AOPEP: variants seen among roughly 807,000 people sequenced by gnomAD.
The protein encoded by AOPEP is aminopeptidase O.
A neutral mutation model predicts 98.1 loss-of-function variants in AOPEP; 77 were observed. That is an observed-to-expected ratio of 0.78 (90% CI 0.65 to 0.95). The LOEUF (loss-of-function observed/expected upper bound fraction) is 0.95. Among genes scored for constraint, AOPEP ranks in the 40% least tolerant of loss-of-function variants. The pLI is 0.00. For synonymous variants in AOPEP, 346 were observed against 365.3 expected, an observed-to-expected ratio of 0.95 and a Z score of 0.60; for missense variants, 1,024 against 1,024.7, an observed-to-expected ratio of 1.00 and a Z score of 0.01.
At chr9:95,137,105 G>A in the AOPEP span, among the ~76,000 whole-genome samples, 1 of 152,300 alleles carries the variant, frequency 6.6e-6, no homozygotes, top group East Asian at 1.9e-4. Flanking sequence ...AAGTGGGGGC[G>A]TAAGCCTCCC....
intron 4 of AOPEP, among the ~76,000 whole-genome samples, chr9:94,794,245 C>A (rs951460633): frequency 6.6e-6 from 1 of 152,164 alleles, no homozygotes; most frequent in Non-Finnish European, 1.5e-5. Context: ...AGAAGGGGGA[C>A]GCTGAGAAGG....
At chr9:95,111,008 T>C in the AOPEP span, 2 of 1,435,144 alleles carry the variant, frequency 1.4e-6, no homozygotes, top group Non-Finnish European at 1.8e-6. Context: ...TGAGGATCTG[T>C]TGACTGATCC....
At chr9:94,903,091 C>T (rs547963834) in intron 5 of AOPEP, among the ~76,000 whole-genome samples, 3 of 151,576 alleles carry the variant, frequency 2.0e-5, no homozygotes, top group East Asian at 4.0e-4. Context: ...AGCACTTCTC[C>T]TGCCTCAGCC....
At chr9:95,066,596 T>C (rs2067917107) in intron 14 of AOPEP, among the ~76,000 whole-genome samples, 1 of 152,108 alleles carries the variant, frequency 6.6e-6, no homozygotes, top group African/African-American at 2.4e-5. Context: ...GGTTGCAGAG[T>C]GTCCCTGCCG....
At chr9:95,126,418 ACT>A in the AOPEP span, 3 of 1,062,706 alleles carry the variant, frequency 2.8e-6, no homozygotes, top group Non-Finnish European at 4.3e-6. Context: ...GGAATCAGAA[ACT>A]CTAATTTCCC....
intron 3 of AOPEP, among the ~76,000 whole-genome samples, chr9:94,777,441 AAAAAG>A (rs1842370800): frequency 6.6e-6 from 1 of 151,708 alleles, no homozygotes; most frequent in Non-Finnish European, 1.5e-5. Context: ...CAAAAAAAAA[AAAAAG>A]AAAACTAATG....
chr9:95,022,292 G>A (rs2063510981), intron 13 of AOPEP: 1 of 152,152 alleles, frequency 6.6e-6, no homozygotes, highest in Non-Finnish European at 1.5e-5. Flanking sequence ...GGTATTCTTA[G>A]TGGGGTTTTT....
At chr9:94,845,518 C>T (rs12345098) in intron 5 of AOPEP, among the ~76,000 whole-genome samples, 13,494 of 151,840 alleles carry the variant, frequency 0.089, 716 homozygotes, top group African/African-American at 0.13. Context: ...TTTGGGGGAA[C>T]GGGACAGGAA....
intron 1 of AOPEP, among the ~76,000 whole-genome samples, chr9:94,738,397 T>C (rs1832253803): frequency 6.6e-6 from 1 of 152,132 alleles, no homozygotes; most frequent in Non-Finnish European, 1.5e-5. Flanking sequence ...GTCCCTGCCT[T>C]GTTCCTGGCC....
chr9:94,982,565 C>T (rs79562022), intron 11 of AOPEP, among the ~76,000 whole-genome samples: 5,273 of 134,326 alleles, frequency 0.039, 374 homozygotes, highest in African/African-American at 0.14. Flanking sequence ...AAGAGCAATA[C>T]TTTTTTTTTT....
chr9:94,806,596 T>G (rs1362678201), intron 5 of AOPEP, among the ~76,000 whole-genome samples: 1 of 152,238 alleles, frequency 6.6e-6, no homozygotes, highest in Admixed American at 6.5e-5. Context: ...TTTCTCCATT[T>G]TCTCTTTTAT....
rs537033353 is a variant in AOPEP at position 94,931,531 on chromosome 9, T to C, written c.1661+3000T>C. Among the ~76,000 whole-genome samples the C allele has an allele frequency of 7.2e-5, 11 of 152,320 alleles. No homozygotes were observed. The South Asian group carries it at 2.1e-3, about 29-fold the overall frequency. ...ATGGACACAGAGAACCTGGAAGTTA[T>C]TGAAAGTAAAAGGAAGAACCAGACT... On this transcript the variant is annotated intron_variant, in intron 7 of 16. Transcript: ENST00000375315.
intron 5 of AOPEP, among the ~76,000 whole-genome samples, chr9:94,858,473 G>GC (rs1463661544): frequency 1.3e-5 from 2 of 152,156 alleles, no homozygotes; most frequent in African/African-American, 4.8e-5. Flanking sequence ...TGGCAGCAGG[G>GC]CCACACTCCC....
At chr9:94,967,665 G>A in intron 9 of AOPEP, 93 bp from the exon 10 acceptor site, 1 of 991,820 alleles carries the variant, frequency 1.0e-6, no homozygotes, top group Non-Finnish European at 1.6e-6. Flanking sequence ...CAGGTGAGCT[G>A]TCAGTAGCTG....
intron 5 of AOPEP, among the ~76,000 whole-genome samples, chr9:94,892,349 A>G (rs1301904020): frequency 4.0e-5 from 6 of 151,798 alleles, no homozygotes; most frequent in Non-Finnish European, 8.8e-5. Context: ...ATTTTTTTCT[A>G]TTTTCTCACT....
At chr9:95,010,192 T>C (rs1036417918) in intron 13 of AOPEP, among the ~76,000 whole-genome samples, 1 of 152,224 alleles carries the variant, frequency 6.6e-6, no homozygotes, top group Non-Finnish European at 1.5e-5. Flanking sequence ...ACTAATATTA[T>C]TCAAAATGAT....
At chr9:95,024,120 G>A (rs1044781650) in intron 13 of AOPEP, among the ~76,000 whole-genome samples, 61 of 152,220 alleles carry the variant, frequency 4.0e-4, no homozygotes, top group Admixed American at 7.2e-4. Context: ...GTTTTATGTC[G>A]GATAATTTTC....
intron 7 of AOPEP, among the ~76,000 whole-genome samples, chr9:94,946,670 C>T (rs1231331200): frequency 6.6e-6 from 1 of 152,242 alleles, no homozygotes; most frequent in Non-Finnish European, 1.5e-5. Flanking sequence ...ATCTACGTAT[C>T]TGAAGGCTCT....
the AOPEP span, among the ~76,000 whole-genome samples, chr9:95,103,766 A>G: frequency 1.3e-5 from 2 of 152,214 alleles, no homozygotes; most frequent in Non-Finnish European, 2.9e-5. Flanking sequence ...AGAAGAGCCC[A>G]CTGCGCAGAG....
Sources: gnomAD v4.1 joint callset for allele counts (sites outside exome capture counted in the v4.1 genomes callset) on GRCh38, gnomAD v4.1.1 for gene constraint, MANE v1.5 for transcripts, NCBI Gene and HGNC (gene_info 2026-07-23, HGNC 2026-07-21) for gene names.